ATP13A4: variants seen among roughly 807,000 people sequenced by gnomAD.
The protein encoded by ATP13A4 is probable cation-transporting ATPase 13A4.
In ATP13A4, 114 loss-of-function variants were observed where a neutral mutation model predicts 142.5. The observed-to-expected ratio is 0.80, with a 90% CI of 0.69 to 0.93. ATP13A4 has a LOEUF of 0.93. ATP13A4 is among the 40% of genes least tolerant of loss of function. The pLI is 0.00. For synonymous variants in ATP13A4, 488 were observed against 514.8 expected, an observed-to-expected ratio of 0.95 and a Z score of 0.70; for missense variants, 1,392 against 1,454.0, an observed-to-expected ratio of 0.96 and a Z score of 0.69.
chr3:193,593,090 T>G, exon 1 of ATP13A4: 1 of 408,290 alleles, frequency 2.4e-6, no homozygotes, highest in South Asian at 7.5e-5. Flanking sequence ...GATGGATTGC[T>G]CCAGTCCGTT....
chr3:193,479,088 C>T (rs928031979), intron 8 of ATP13A4, among the ~76,000 whole-genome samples: 10 of 152,080 alleles, frequency 6.6e-5, no homozygotes, highest in Non-Finnish European at 1.3e-4. Flanking sequence ...TTAAAACCCT[C>T]AGCAAAATTG....
intron 20 of ATP13A4, 129 bp from the exon 21 acceptor site, chr3:193,440,766 C>T (rs189065323): frequency 6.2e-6 from 6 of 966,920 alleles, no homozygotes; most frequent in East Asian, 2.6e-5. Flanking sequence ...TTCCAATGAG[C>T]CTTCCTTTGG....
At chr3:193,534,582 T>TAA (rs1331866206) in intron 1 of ATP13A4, among the ~76,000 whole-genome samples, 3 of 152,110 alleles carry the variant, frequency 2.0e-5, no homozygotes, top group African/African-American at 7.2e-5. Flanking sequence ...CCTGAAATTT[T>TAA]AAAACTCAGT....
Position 193,448,253 on chromosome 3 carries a change from A to C in ATP13A4, c.2105T>G (p.Val702Gly). 6.2e-7 allele frequency: 1 copy of C among 1,614,216 alleles called. No homozygotes were observed. The highest frequency in any genetic ancestry group is 8.5e-7 in the Non-Finnish European group (1 of 1,180,030). The change falls in exon 18 of 30, where the codon GTC (valine) becomes GGC (glycine). Residue 702 changes from valine (V) to glycine (G), a missense_variant. Coordinates refer to ENST00000342695, the MANE Select transcript of ATP13A4 (RefSeq NM_032279.4). Reference protein sequence around the residue: ...ENRLKEETKPVLEELISARIR... With the variant: ...ENRLKEETKPGLEELISARIR... Reference sequence around the variant, plus strand: ...CCGGGCTGAGATGAGCTCTTCCAAGACAGGTTTTGTCTCTTCCTTCAATCG... The same window carrying C: ...CCGGGCTGAGATGAGCTCTTCCAAGCCAGGTTTTGTCTCTTCCTTCAATCG...
chr3:193,430,033 T>C (rs1232973197), intron 25 of ATP13A4, among the ~76,000 whole-genome samples: 1 of 152,018 alleles, frequency 6.6e-6, no homozygotes, highest in Non-Finnish European at 1.5e-5. Flanking sequence ...AAGAATCAAG[T>C]TGTTTAACAA....
At chr3:193,454,339 C>G (rs774895425) in intron 16 of ATP13A4, 127 bp from the exon 17 acceptor site, 2 of 733,102 alleles carry the variant, frequency 2.7e-6, no homozygotes, top group Non-Finnish European at 4.8e-6. Context: ...GTAAACAAGT[C>G]AGTTGAAAAT....
intron 1 of ATP13A4, among the ~76,000 whole-genome samples, chr3:193,546,474 T>C (rs1459350603): frequency 6.6e-6 from 1 of 152,218 alleles, no homozygotes; most frequent in African/African-American, 2.4e-5. Context: ...GTTGTCTCAG[T>C]GATTGGCTTT....
At chr3:193,565,788 T>C (rs1207669291) in intron 2 of ATP13A4, among the ~76,000 whole-genome samples, 1 of 152,194 alleles carries the variant, frequency 6.6e-6, no homozygotes, top group Non-Finnish European at 1.5e-5. Context: ...AGTGGTTAAG[T>C]ATTTAAAAAC....
chr3:193,535,923 A>G (rs1315626168), intron 1 of ATP13A4, among the ~76,000 whole-genome samples: 1 of 152,086 alleles, frequency 6.6e-6, no homozygotes, highest in African/African-American at 2.4e-5. Context: ...AACTATTACA[A>G]CTTCACTCAA....
chr3:193,467,389 G>A lies in ATP13A4; in HGVS notation c.1041C>T (p.Leu347=), dbSNP rs1418148026. 1 of 1,614,128 alleles carries A rather than the reference G, an allele frequency of 6.2e-7. No individual in the cohort carries two copies. Among genetic ancestry groups the A allele is most frequent in the East Asian group, 2.2e-5 (1 of 44,880 alleles). The change falls in exon 10 of 30, where the codon CTC becomes CTT. Residue 347 remains leucine, a synonymous_variant. Coordinates refer to ENST00000342695, the MANE Select transcript of ATP13A4 (RefSeq NM_032279.4). ...QSEADYKRHV[L]FCGTEVIQAK... ...CCTGGATAACCTCTGTTCCACAGAA[G>A]AGGACATGCCGCTTGTAATCCGCTT...
upstream of ATP13A4, among the ~76,000 whole-genome samples, chr3:193,559,630 C>G (rs543175883): frequency 1.3e-5 from 2 of 152,206 alleles, no homozygotes; most frequent in African/African-American, 4.8e-5. Flanking sequence ...ATACAAAGAT[C>G]CAGGGACTCC....
intron 7 of ATP13A4, among the ~76,000 whole-genome samples, chr3:193,489,356 G>A (rs1241346344): frequency 6.6e-6 from 1 of 152,132 alleles, no homozygotes; most frequent in Non-Finnish European, 1.5e-5. Context: ...AACATAAACA[G>A]CAAAGGAGTT....
intron 1 of ATP13A4, among the ~76,000 whole-genome samples, chr3:193,535,203 A>C (rs980529595): frequency 6.6e-6 from 1 of 152,244 alleles, no homozygotes; most frequent in Non-Finnish European, 1.5e-5. Flanking sequence ...TATTTATTGA[A>C]GAATCTAGCC....
At chr3:193,452,959 T>A (rs1279451566) in intron 17 of ATP13A4, among the ~76,000 whole-genome samples, 5 of 152,086 alleles carry the variant, frequency 3.3e-5, no homozygotes, top group African/African-American at 1.2e-4. Flanking sequence ...ACTGTTTTTT[T>A]CAGAGTTTTA....
chr3:193,572,634 T>C (rs1394855008), intron 2 of ATP13A4, among the ~76,000 whole-genome samples: 2 of 152,224 alleles, frequency 1.3e-5, no homozygotes, highest in East Asian at 1.9e-4. Flanking sequence ...AGTCACTTGA[T>C]GTTTCAAGGT....
intron 1 of ATP13A4, among the ~76,000 whole-genome samples, chr3:193,586,771 A>T (rs930683102): frequency 2.6e-5 from 4 of 152,248 alleles, no homozygotes; most frequent in African/African-American, 9.6e-5. Context: ...TTTTATAATA[A>T]GTATTGAGGT....
chr3:193,521,166 A>G (rs1241464235), intron 1 of ATP13A4, among the ~76,000 whole-genome samples: 1 of 152,222 alleles, frequency 6.6e-6, no homozygotes, highest in Non-Finnish European at 1.5e-5. Context: ...TATGTCTGCT[A>G]GAGATAAATC....
At chr3:193,497,086 A>C (rs1314956868) in intron 3 of ATP13A4, among the ~76,000 whole-genome samples, 1 of 152,210 alleles carries the variant, frequency 6.6e-6, no homozygotes, top group Non-Finnish European at 1.5e-5. Flanking sequence ...ACATCAAGCT[A>C]AAAGTTTCTA....
rs918319202 is a variant in ATP13A4 at position 193,554,644 on chromosome 3, T to A, written c.60+96A>T. The stretch of plus-strand genomic sequence containing the variant: ...AATTTTAGAAAAGTCTGTGTGTGTG[T>A]GATGCGTGCGTGTGTGTGTGTGTGT... On this transcript the variant is annotated intron_variant, in intron 1 of 29. Transcript: ENST00000342695. 2.8e-6 allele frequency: 4 copies of A among 1,408,566 alleles called. No homozygotes were observed. In the African/African-American group the frequency reaches 6.7e-5, roughly 24 times the overall value. The allele number at this position is 1,408,566 out of a possible 1,614,324, so 87.3% of individuals were successfully genotyped here.
Sources: gnomAD v4.1 joint callset for allele counts (sites outside exome capture counted in the v4.1 genomes callset) on GRCh38, gnomAD v4.1.1 for gene constraint, MANE v1.5 for transcripts, NCBI Gene and HGNC (gene_info 2026-07-23, HGNC 2026-07-21) for gene names.